Variants in HOXB8 observed in about 807,000 individuals in gnomAD.
The protein encoded by HOXB8 is homeobox protein Hox-B8.
Under a neutral mutation model 22.2 loss-of-function variants are expected in HOXB8, and 17 were observed. That is an observed-to-expected ratio of 0.77 (90% CI 0.53 to 1.15). HOXB8 has a LOEUF of 1.15. HOXB8 is among the 50% of genes most tolerant of loss of function. The pLI, the probability that HOXB8 is intolerant of heterozygous loss-of-function variation, is 0.00. For synonymous variants in HOXB8, 156 were observed against 144.6 expected (o/e 1.08, Z -0.57); for missense variants, 287 against 323.8 (o/e 0.89, Z 0.87).
At position 48,614,352 on chromosome 17, in the gene HOXB8, A is replaced by G. The variant is rs2070696858; in HGVS notation, c.353T>C (p.Leu118Pro). 6.3e-7 allele frequency: 1 copy of G among 1,597,748 alleles called. No homozygotes were observed. Among genetic ancestry groups the G allele is most frequent in the Admixed American group, 1.7e-5 (1 of 59,122 alleles). Reference sequence around the variant, plus strand: ...CTCGGAGCCCTCGGCCTCCTCGCCCAGGCCGCTGGCGGCGGCAAGCTTGCA... The same window carrying G: ...CTCGGAGCCCTCGGCCTCCTCGCCCGGGCCGCTGGCGGCGGCAAGCTTGCA... ...ADCKLAAASG[L>P]GEEAEGSEQS... Residue 118 changes from leucine to proline, a missense_variant, in exon 1 of 2, where the codon CTG (leucine) becomes CCG (proline). Transcript: ENST00000239144. The surrounding 1 kb of genome is among the most constrained non-coding windows in gnomAD (Gnocchi z 4.1).
At position 48,614,719 on chromosome 17, in the gene HOXB8, AGGC is replaced by A. The variant is rs1178427129; in HGVS notation, c.-18_-16del. 64 of 946,138 alleles carry A rather than the reference AGGC, an allele frequency of 6.8e-5. No individual in the cohort carries two copies. The highest frequency in any genetic ancestry group is 3.8e-4 in the Admixed American group (6 of 15,776). The allele number at this position is 946,138 out of a possible 1,614,324, so 58.6% of individuals were successfully genotyped here. A position where few individuals can be genotyped will look rare whatever the true frequency, so the allele number is the denominator to read the frequency against. On this transcript the variant is annotated 5_prime_UTR_variant, in exon 1 of 2. Transcript: ENST00000239144. The surrounding 1 kb of genome is among the most constrained non-coding windows in gnomAD (Gnocchi z 4.1). ...TAAGAGCTCATTTTATTGAATTTTG[AGGC>A]GGCGGCGGCGGCGGAGGCTATAGTT...
At chr17:48,613,764 G>C (rs1248169398) in intron 1 of HOXB8, among the ~76,000 whole-genome samples, 1 of 152,146 alleles carries the variant, frequency 6.6e-6, no homozygotes, top group East Asian at 1.9e-4. Context: ...ACCAGCACCA[G>C]AGTTGTGTAG....
In HOXB8 at chr17:48,614,212, G is replaced by A; in HGVS notation, c.424+69C>T. On this transcript the variant is annotated intron_variant, in intron 1 of 1. Transcript: ENST00000239144. This position sits in a 1 kb window ranked among gnomAD's most constrained non-coding sequence, Gnocchi z 4.1. ...GTCTTCCAGAAGCTGGAGGAAATGC[G>A]CCCCGGCCTGCCAGGCCTTGGGCCC... 4.3e-6 allele frequency: 1 copy of A among 234,946 alleles called. No individual in the cohort carries two copies. The highest frequency in any genetic ancestry group is 8.2e-5 in the South Asian group (1 of 12,180). The allele number at this position is 234,946 out of a possible 1,614,324, so 14.6% of individuals were successfully genotyped here. A position where few individuals can be genotyped will look rare whatever the true frequency, so the allele number is the denominator to read the frequency against.
Position 48,613,928 on chromosome 17 carries a change from G to T in HOXB8, c.424+353C>A, listed in dbSNP as rs934818892. Among the ~76,000 whole-genome samples, 19 of 152,218 alleles carry T rather than the reference G, an allele frequency of 1.2e-4. No individual in the cohort carries two copies. In the Middle Eastern group the frequency reaches 0.014, roughly 109 times the overall value. The stretch of plus-strand genomic sequence containing the variant: ...GCCCCAGAAGAAAAGTTTCTTCAGG[G>T]TAATTAAACTATAAAGCAATTGAGA... On this transcript the variant is annotated intron_variant, in intron 1 of 1. Coordinates refer to ENST00000239144, the MANE Select transcript of HOXB8 (RefSeq NM_024016.4).
chr17:48,612,515 G>T lies in HOXB8; in HGVS notation c.*687C>A, dbSNP rs1413209790. 1.3e-5 allele frequency: 2 copies of T among 151,726 alleles called. No individual in the cohort carries two copies. Among genetic ancestry groups the T allele is most frequent in the African/African-American group, 2.4e-5 (1 of 41,294 alleles). 9.4% of individuals were successfully genotyped at this position (151,726 alleles called of 1,614,324 possible). A position where few individuals can be genotyped will look rare whatever the true frequency, so the allele number is the denominator to read the frequency against. ...CTTCACAGTAAACCTAAGAACACTT[G>T]TAACAATTGCCCACAGCGCGCATGC... On this transcript the variant is annotated 3_prime_UTR_variant, in exon 2 of 2. Coordinates refer to ENST00000239144, the MANE Select transcript of HOXB8 (RefSeq NM_024016.4).
At position 48,614,295 on chromosome 17, in the gene HOXB8, C is replaced by G; in HGVS notation, c.410G>C (p.Trp137Ser). Residue 137 changes from tryptophan (W) to serine (S), a missense_variant, in exon 1 of 2, where the codon TGG (tryptophan) becomes TCG (serine). By Grantham distance (177) the Trp-to-Ser change is radical (BLOSUM62 -3). This residue lies in a region of HOXB8 where 229 missense variants were observed against 239.8 expected (regional missense o/e 0.95). Coordinates refer to ENST00000239144, the MANE Select transcript of HOXB8 (RefSeq NM_024016.4). The surrounding 1 kb of genome is among the most constrained non-coding windows in gnomAD (Gnocchi z 4.1). ...GGCGAGCTCACCTTGCGGGCGCATC[C>G]AGGGGAAGAGCTGTGTGGGCGACGG... ...QSPSPTQLFP[W>S]MRPQAAAGRR... 6.6e-7 allele frequency: 1 copy of G among 1,524,734 alleles called. No homozygotes were observed. The highest frequency in any genetic ancestry group is 8.7e-7 in the Non-Finnish European group (1 of 1,146,104). 94.5% of individuals were successfully genotyped at this position (1,524,734 alleles called of 1,614,324 possible). A position where few individuals can be genotyped will look rare whatever the true frequency, so the allele number is the denominator to read the frequency against.
rs1454716564 is a variant in HOXB8, at chr17:48,615,230, C to CGAGCGA, written c.-527_-526insTCGCTC. Among the ~76,000 whole-genome samples, 2 of 112,654 alleles carry CGAGCGA rather than the reference C, an allele frequency of 1.8e-5. No homozygotes were observed. The highest frequency in any genetic ancestry group is 3.0e-5 in the African/African-American group (1 of 33,718). The allele number at this position is 112,654 out of a possible 152,430, so 73.9% of individuals were successfully genotyped here. On this transcript the variant is annotated 5_prime_UTR_variant, in exon 1 of 2. Coordinates refer to ENST00000239144, the MANE Select transcript of HOXB8 (RefSeq NM_024016.4). ...ACAGAACGCAGAGCGAGGGTGAGAG[C>CGAGCGA]GAGAGAGAGCGAGCGAGAGAGAGAG...
chr17:48,612,940 A>G lies in HOXB8; in HGVS notation c.*262T>C. On this transcript the variant is annotated 3_prime_UTR_variant, in exon 2 of 2. Coordinates refer to ENST00000239144, the MANE Select transcript of HOXB8 (RefSeq NM_024016.4). ...CTTTGCCGCTCGCCCTCACAGGGCGAGGGAGCCTTTGCTTAAATCCTTTTC... is the reference window on the plus strand; with the variant it reads ...CTTTGCCGCTCGCCCTCACAGGGCGGGGGAGCCTTTGCTTAAATCCTTTTC... 5.6e-6 allele frequency: 1 copy of G among 177,036 alleles called. No homozygotes were observed. Among genetic ancestry groups the G allele is most frequent in the Non-Finnish European group, 1.2e-5 (1 of 85,094 alleles). The allele number at this position is 177,036 out of a possible 1,614,324, so 11.0% of individuals were successfully genotyped here.
Position 48,614,527 on chromosome 17 carries a change from C to T in HOXB8, c.178G>A (p.Gly60Arg), listed in dbSNP as rs2070700258. Residue 60 changes from glycine to arginine, a missense_variant, in exon 1 of 2, where the codon GGG becomes AGG. By Grantham distance (125) the Gly-to-Arg change is moderately radical (BLOSUM62 -2). This residue lies in a region of HOXB8 where 229 missense variants were observed against 239.8 expected (regional missense o/e 0.95). Transcript: ENST00000239144. This position sits in a 1 kb window ranked among gnomAD's most constrained non-coding sequence, Gnocchi z 4.1. ...GGAGCCGTGGACAGCGACGACGGCC[C>T]GTGGTAGAACTCCTGGATTTGCGAC... ...HPSQIQEFYH[G>R]PSSLSTAPYQ... 1.2e-6 allele frequency: 2 copies of T among 1,613,782 alleles called. No individual in the cohort carries two copies. Among genetic ancestry groups the T allele is most frequent in the Non-Finnish European group, 1.7e-6 (2 of 1,179,896 alleles).
In HOXB8 at chr17:48,614,550, G is replaced by C; in HGVS notation, c.155C>G (p.Ser52Trp). 1 of 1,613,018 alleles carries C rather than the reference G, an allele frequency of 6.2e-7. No individual in the cohort carries two copies. Among genetic ancestry groups the C allele is most frequent in the Non-Finnish European group, 8.5e-7 (1 of 1,179,636 alleles). ...CCCGTGGTAGAACTCCTGGATTTGC[G>C]ACGGGTGCTGGAAGCTGCCGCCGCT... ...PSSGGSFQHPSQIQEFYHGPS... is the reference protein window; with the variant it reads ...PSSGGSFQHPWQIQEFYHGPS... The change falls in exon 1 of 2, where the codon TCG (serine) becomes TGG (tryptophan). Residue 52 changes from serine (S) to tryptophan (W), a missense_variant. Transcript: ENST00000239144. The surrounding 1 kb of genome is among the most constrained non-coding windows in gnomAD (Gnocchi z 4.1).
Position 48,613,199 on chromosome 17 carries a change from A to C in HOXB8, c.*3T>G. ...CCGCGGCCCTGGCAGTCCCAGCTGA[A>C]GCCTACTTCTTGTCGCCCTTCTGCG... On this transcript the variant is annotated 3_prime_UTR_variant, in exon 2 of 2. Transcript: ENST00000239144. 6.3e-7 allele frequency: 1 copy of C among 1,593,466 alleles called. No individual in the cohort carries two copies. The highest frequency in any genetic ancestry group is 8.6e-7 in the Non-Finnish European group (1 of 1,168,664).
Position 48,614,456 on chromosome 17 carries a change from G to A in HOXB8, c.249C>T (p.Gly83=), listed in dbSNP as rs942777417. The change falls in exon 1 of 2, where the codon GGC becomes GGT. Residue 83 remains glycine (G), a synonymous_variant. Coordinates refer to ENST00000239144, the MANE Select transcript of HOXB8 (RefSeq NM_024016.4). This position sits in a 1 kb window ranked among gnomAD's most constrained non-coding sequence, Gnocchi z 4.1. ...GCAGCGGGTCGTAGCCGTAGAAATT[G>A]CCGGGGTCCCCGTGGCACGCCACGG... ...PCAVACHGDP[G]NFYGYDPLQR... is the part of the protein sequence containing the mutation. The A allele has an allele frequency of 6.2e-7, 1 of 1,613,872 alleles. No homozygotes were observed. Among genetic ancestry groups the A allele is most frequent in the African/African-American group, 1.3e-5 (1 of 74,938 alleles).
In HOXB8 at chr17:48,614,822, T is replaced by C. The variant is rs769404629; in HGVS notation, c.-118A>G. Reference sequence around the variant, plus strand: ...AAAAAAACGCGGATTCGCCGGCTCCTAGTCACCCTCGCCAGGAAAGGAGAG... The same window carrying C: ...AAAAAAACGCGGATTCGCCGGCTCCCAGTCACCCTCGCCAGGAAAGGAGAG... On this transcript the variant is annotated 5_prime_UTR_variant, in exon 1 of 2. Transcript: ENST00000239144. The surrounding 1 kb of genome is among the most constrained non-coding windows in gnomAD (Gnocchi z 4.1). 1.3e-6 allele frequency: 1 copy of C among 780,034 alleles called. No individual in the cohort carries two copies. The highest frequency in any genetic ancestry group is 2.9e-5 in the East Asian group (1 of 34,548). 48.3% of individuals were successfully genotyped at this position (780,034 alleles called of 1,614,324 possible). A position where few individuals can be genotyped will look rare whatever the true frequency, so the allele number is the denominator to read the frequency against.
intron 1 of HOXB8, 39 bp from the exon 2 acceptor site, chr17:48,613,548 G>T: frequency 2.9e-6 from 3 of 1,023,100 alleles, no homozygotes; most frequent in Non-Finnish European, 1.5e-6. Context: ...GGGGAGGGGA[G>T]GGTGGGGGAG....
chr17:48,614,895 T>C lies in HOXB8; in HGVS notation c.-191A>G. The C allele has an allele frequency of 1.9e-6, 1 of 537,556 alleles. No homozygotes were observed. The highest frequency in any genetic ancestry group is 2.7e-5 in the South Asian group (1 of 36,582). 33.3% of individuals were successfully genotyped at this position (537,556 alleles called of 1,614,324 possible). A position where few individuals can be genotyped will look rare whatever the true frequency, so the allele number is the denominator to read the frequency against. On this transcript the variant is annotated 5_prime_UTR_variant, in exon 1 of 2. Coordinates refer to ENST00000239144, the MANE Select transcript of HOXB8 (RefSeq NM_024016.4). The surrounding 1 kb of genome is among the most constrained non-coding windows in gnomAD (Gnocchi z 4.1). ...GAAAAGAAAGAAAAGGCGAAGAAGA[T>C]CTCGAAGCCGACACACTTTTTGTGG...
At position 48,612,348 on chromosome 17, in the gene HOXB8, G is replaced by C. The variant is rs780476048; in HGVS notation, c.*854C>G. On this transcript the variant is annotated 3_prime_UTR_variant, in exon 2 of 2. Transcript: ENST00000239144. ...GAGGAGCGCTGGCCGGGCCAGTCTC[G>C]GGTTCTCGCTTGTAAACTTTATTGT... The C allele has an allele frequency of 2.6e-5, 4 of 152,544 alleles. No homozygotes were observed. The highest frequency in any genetic ancestry group is 5.9e-5 in the Non-Finnish European group (4 of 68,034). 9.4% of individuals were successfully genotyped at this position (152,544 alleles called of 1,614,324 possible). A position where few individuals can be genotyped will look rare whatever the true frequency, so the allele number is the denominator to read the frequency against.
chr17:48,614,115 G>T lies in HOXB8; in HGVS notation c.424+166C>A, dbSNP rs1449827755. ...TCTAAGCGACCCCCTTCAAGGGAAA[G>T]AAAAAAGAAAGAAGAAAGAAAGATA... On this transcript the variant is annotated intron_variant, in intron 1 of 1. Coordinates refer to ENST00000239144, the MANE Select transcript of HOXB8 (RefSeq NM_024016.4). This position sits in a 1 kb window ranked among gnomAD's most constrained non-coding sequence, Gnocchi z 4.1. 1.3e-5 allele frequency among the ~76,000 whole-genome samples: 2 copies of T among 152,100 alleles called. No homozygotes were observed. Among genetic ancestry groups the T allele is most frequent in the Admixed American group, 1.3e-4 (2 of 15,280 alleles).
Position 48,614,416 on chromosome 17 carries a change from A to G in HOXB8, c.289T>C (p.Phe97Leu), listed in dbSNP as rs746444993. ...GYDPLQRQSLFGAQDPDLVQY... is the reference protein window; with the variant it reads ...GYDPLQRQSLLGAQDPDLVQY... ...ACCAGGTCTGGATCCTGCGCACCGA[A>G]TAGGCTCTGGCGTTGCAGCGGGTCG... The change falls in exon 1 of 2, where the codon TTC (phenylalanine) becomes CTC (leucine). Residue 97 changes from phenylalanine (F) to leucine (L), a missense_variant. Physicochemically the swap from Phe to Leu is conservative, Grantham distance 22. This residue lies in a region of HOXB8 where 229 missense variants were observed against 239.8 expected (regional missense o/e 0.95). Coordinates refer to ENST00000239144, the MANE Select transcript of HOXB8 (RefSeq NM_024016.4). This position sits in a 1 kb window ranked among gnomAD's most constrained non-coding sequence, Gnocchi z 4.1. 3.7e-6 allele frequency: 6 copies of G among 1,613,776 alleles called. No homozygotes were observed. The highest frequency in any genetic ancestry group is 1.1e-5 in the South Asian group (1 of 91,070).
chr17:48,613,246 C>A lies in HOXB8; in HGVS notation c.688G>T (p.Glu230Ter). The change falls in exon 2 of 2, where the codon GAG (glutamate) becomes TAG (stop). Residue 230 changes from glutamate to a stop codon, truncating the protein, a stop_gained. Transcript: ENST00000239144. LOFTEE classifies it low-confidence loss of function (END_TRUNC). ...LEKQKLERAP[E>*]AADEGDAQKG... ...TGCGCGTCGCCCTCGTCCGCCGCCT[C>A]TGGGGCCCGCTCCAGCTTCTGTTTC... 1.2e-6 allele frequency: 2 copies of A among 1,613,716 alleles called. No homozygotes were observed. The highest frequency in any genetic ancestry group is 1.7e-6 in the Non-Finnish European group (2 of 1,179,802).
Sources: allele counts gnomAD v4.1 joint callset (sites outside exome capture counted in the v4.1 genomes callset), GRCh38; gene constraint gnomAD v4.1.1; regional missense constraint gnomAD v4.1.1; non-coding constraint Gnocchi (gnomAD v3.1); transcripts MANE v1.5; gene names NCBI Gene and HGNC (gene_info 2026-07-23, HGNC 2026-07-21).